Variants in ELOVL7 observed in about 807,000 individuals in gnomAD.
ELOVL7 encodes ELOVL fatty acid elongase 7, also known as very long chain fatty acid elongase 7.
ELOVL7 carries 27 observed loss-of-function variants against 35.7 expected under a neutral mutation model. The observed-to-expected ratio is 0.76, with a 90% CI of 0.56 to 1.04. The LOEUF (loss-of-function observed/expected upper bound fraction) is 1.04. Ranked by LOEUF, ELOVL7 falls within the 50% of genes least tolerant of loss-of-function variation. The probability of loss-of-function intolerance (pLI) is 0.00; values close to 1 mark genes in which losing one functional copy is unlikely to be tolerated. For missense variants in ELOVL7, 327 were observed against 340.8 expected (o/e 0.96, Z 0.32); for synonymous variants, 113 against 114.6 (o/e 0.99, Z 0.09).
At chr5:60,824,305 T>C (rs1746046300) in intron 1 of ELOVL7, among the ~76,000 whole-genome samples, 1 of 152,148 alleles carries the variant, frequency 6.6e-6, no homozygotes, top group Admixed American at 6.5e-5. Context: ...CACAAGGAAC[T>C]TTAAGGCCGC....
chr5:60,789,315 T>A (rs557591306), intron 2 of ELOVL7, among the ~76,000 whole-genome samples: 1 of 152,226 alleles, frequency 6.6e-6, no homozygotes, highest in Admixed American at 6.5e-5. Context: ...ATGGGCAAAG[T>A]TCACAGAAAA....
intron 1 of ELOVL7, among the ~76,000 whole-genome samples, chr5:60,834,173 G>C (rs1034362565): frequency 6.6e-6 from 1 of 151,584 alleles, no homozygotes; most frequent in African/African-American, 2.4e-5. Flanking sequence ...ACGGAGTCTC[G>C]CTCTGTCGCC....
rs746441592 is a variant in ELOVL7 at position 60,766,635 on chromosome 5, A to T, written c.337-5T>A. 3 of 1,610,290 alleles carry T rather than the reference A, an allele frequency of 1.9e-6. No individual in the cohort carries two copies. The highest frequency in any genetic ancestry group is 2.5e-6 in the Non-Finnish European group (3 of 1,178,634). On this transcript the variant is annotated splice_polypyrimidine_tract_variant and splice_region_variant and intron_variant, in intron 5 of 8. Coordinates refer to ENST00000508821, the MANE Select transcript of ELOVL7 (RefSeq NM_024930.3). ...AAGCCAGCAGGTACGTGCCATCTGC[A>T]GAAGCACAAATAAATCTAAATTTAT...
chr5:60,772,605 C>G (rs1742665235), intron 3 of ELOVL7, among the ~76,000 whole-genome samples: 1 of 152,184 alleles, frequency 6.6e-6, no homozygotes, highest in Admixed American at 6.5e-5. Flanking sequence ...CAAGACAATT[C>G]TGTAAGTATG....
At chr5:60,839,941 G>A (rs902752653) in intron 1 of ELOVL7, among the ~76,000 whole-genome samples, 5 of 151,938 alleles carry the variant, frequency 3.3e-5, no homozygotes, top group Non-Finnish European at 5.9e-5. Flanking sequence ...TTGAGGCTGC[G>A]GAAAGCCATG....
At chr5:60,842,340 T>C (rs990015757) in intron 1 of ELOVL7, among the ~76,000 whole-genome samples, 1 of 151,818 alleles carries the variant, frequency 6.6e-6, no homozygotes, top group African/African-American at 2.4e-5. Flanking sequence ...TCTGGAGCTG[T>C]TTTGGGGAAA....
intron 4 of ELOVL7, among the ~76,000 whole-genome samples, chr5:60,771,678 A>G (rs571229573): frequency 1.4e-4 from 21 of 152,342 alleles, no homozygotes; most frequent in Non-Finnish European, 2.8e-4. Context: ...CATGGAATAG[A>G]TGTTAGTTTT....
chr5:60,774,755 T>A (rs1191937235), intron 3 of ELOVL7, among the ~76,000 whole-genome samples: 1 of 148,286 alleles, frequency 6.7e-6, no homozygotes, highest in African/African-American at 2.5e-5. Flanking sequence ...AACTCCACCA[T>A]AAAACTCTCT....
At chr5:60,831,942 C>T (rs1182218751) in intron 1 of ELOVL7, among the ~76,000 whole-genome samples, 1 of 152,076 alleles carries the variant, frequency 6.6e-6, no homozygotes, top group Non-Finnish European at 1.5e-5. Flanking sequence ...GTAAGCATTT[C>T]AAGTCTTTCT....
At chr5:60,797,362 C>A (rs933705620) in intron 2 of ELOVL7, among the ~76,000 whole-genome samples, 2 of 152,118 alleles carry the variant, frequency 1.3e-5, no homozygotes, top group Non-Finnish European at 2.9e-5. Flanking sequence ...TCTCTTTTTG[C>A]CATTTCTCTC....
At chr5:60,835,416 T>C (rs980696635) in intron 1 of ELOVL7, among the ~76,000 whole-genome samples, 25 of 152,070 alleles carry the variant, frequency 1.6e-4, no homozygotes, top group Non-Finnish European at 2.1e-4. Flanking sequence ...GTTTTTATTT[T>C]TGAATTTTTT....
intron 1 of ELOVL7, among the ~76,000 whole-genome samples, chr5:60,808,526 A>C (rs1745073508): frequency 6.6e-6 from 1 of 152,216 alleles, no homozygotes; most frequent in Non-Finnish European, 1.5e-5. Flanking sequence ...TGGAAAACTT[A>C]ATATTGTTAA....
intron 2 of ELOVL7, among the ~76,000 whole-genome samples, chr5:60,795,457 A>G (rs569979929): frequency 1.3e-5 from 2 of 152,332 alleles, no homozygotes. Context: ...GGGAGGGACA[A>G]TGATTGGGAT....
intron 1 of ELOVL7, among the ~76,000 whole-genome samples, chr5:60,841,106 A>G (rs1014041978): frequency 2.7e-5 from 4 of 149,036 alleles, no homozygotes; most frequent in African/African-American, 1.0e-4. Flanking sequence ...GCTCACTGCA[A>G]CCTCTGCCTC....
At chr5:60,820,560 A>G (rs757986658) in intron 1 of ELOVL7, among the ~76,000 whole-genome samples, 3 of 152,208 alleles carry the variant, frequency 2.0e-5, no homozygotes, top group Non-Finnish European at 4.4e-5. Flanking sequence ...CTTCAGCCCA[A>G]TGGACAATTC....
At chr5:60,821,401 C>T (rs1427062591) in intron 1 of ELOVL7, among the ~76,000 whole-genome samples, 2 of 152,188 alleles carry the variant, frequency 1.3e-5, no homozygotes, top group African/African-American at 2.4e-5. Context: ...TCTTGCCTAA[C>T]AGCAACCTTT....
chr5:60,776,423 T>C (rs928082910), intron 3 of ELOVL7, among the ~76,000 whole-genome samples: 40 of 152,244 alleles, frequency 2.6e-4, no homozygotes, highest in African/African-American at 9.2e-4. Context: ...TACACTTGCA[T>C]GTTCACTGCA....
rs145230543 is a variant in ELOVL7 at position 60,772,706 on chromosome 5, C to T, written c.65-613G>A. Among the ~76,000 whole-genome samples the T allele has an allele frequency of 2.8e-4, 43 of 152,262 alleles. No individual in the cohort carries two copies. In the East Asian group the frequency reaches 8.1e-3, roughly 29 times the overall value. On this transcript the variant is annotated intron_variant, in intron 3 of 8. Coordinates refer to ENST00000508821, the MANE Select transcript of ELOVL7 (RefSeq NM_024930.3). ...AAAGCATACGGCAGGGGAGCAAACC[C>T]AAGGATACAGTCTTCATGGATCGTT...
chr5:60,758,335 C>T (rs1741674888), intron 7 of ELOVL7, among the ~76,000 whole-genome samples: 1 of 152,134 alleles, frequency 6.6e-6, no homozygotes, highest in South Asian at 2.1e-4. Context: ...TGGGTTGCTT[C>T]CAATTTGGGC....
Sources: allele counts gnomAD v4.1 joint callset (sites outside exome capture counted in the v4.1 genomes callset), GRCh38; gene constraint gnomAD v4.1.1; transcripts MANE v1.5; gene names NCBI Gene and HGNC (gene_info 2026-07-23, HGNC 2026-07-21).